TBL1X: variants seen among roughly 807,000 people sequenced by gnomAD.
TBL1X encodes the protein F-box-like/WD repeat-containing protein TBL1X.
Under a neutral mutation model 50.7 loss-of-function variants are expected in TBL1X, and 10 were observed. That is an observed-to-expected ratio of 0.20 (90% CI 0.12 to 0.33). The LOEUF is 0.33. Among genes scored for constraint, TBL1X ranks in the 10% least tolerant of loss-of-function variants. The pLI is 1.00. For missense variants in TBL1X, 340 were observed against 504.4 expected (o/e 0.67, Z 3.12); for synonymous variants, 190 against 214.7 (o/e 0.88, Z 1.01).
chrX:9,542,756 C>A (rs2082221340), intron 2 of TBL1X, among the ~76,000 whole-genome samples: 1 of 112,086 alleles, frequency 8.9e-6, no homozygotes, highest in African/African-American at 3.2e-5. Context: ...CTGCACCAGA[C>A]TGTATTCTCC....
chrX:9,638,509 A>G (rs894217761), intron 2 of TBL1X, among the ~76,000 whole-genome samples: 6 of 111,978 alleles, frequency 5.4e-5, no homozygotes, highest in African/African-American at 1.9e-4. Context: ...CATAATTCCT[A>G]TTTTTGTGTT....
At chrX:9,506,765 T>C (rs929540061) in intron 2 of TBL1X, among the ~76,000 whole-genome samples, 8 of 111,672 alleles carry the variant, frequency 7.2e-5, no homozygotes, top group African/African-American at 2.3e-4. Flanking sequence ...AATAGACCAA[T>C]AAGCTCTGAA....
At chrX:9,597,609 CAG>C (rs2082532815) in intron 2 of TBL1X, among the ~76,000 whole-genome samples, 1 of 112,307 alleles carries the variant, frequency 8.9e-6, no homozygotes, top group South Asian at 3.7e-4. Flanking sequence ...CAGGCGCTGA[CAG>C]AGTGCTTTTG....
intron 1 of TBL1X, among the ~76,000 whole-genome samples, chrX:9,471,485 G>A (rs942497613): frequency 8.0e-5 from 9 of 112,320 alleles, no homozygotes; most frequent in African/African-American, 2.9e-4. Flanking sequence ...TAAGGATGAC[G>A]GTTTTATGTT....
intron 2 of TBL1X, among the ~76,000 whole-genome samples, chrX:9,609,281 A>G (rs940621195): frequency 3.6e-5 from 4 of 111,168 alleles, no homozygotes; most frequent in Non-Finnish European, 7.5e-5. Flanking sequence ...AAAAACATCT[A>G]TAAACCCACC....
In TBL1X at chrX:9,688,154, G is replaced by A. The variant is rs201825420; in HGVS notation, c.495G>A (p.Ala165=). ...AQQQASAAAA[A]AAATAAATAA... ...AGCAAGCCAGTGCGGCGGCGGCGGC[G>A]GCTGCGGCCACGGCAGCAGCGACAG... Residue 165 remains alanine, a synonymous_variant, in exon 7 of 18, where the codon GCG becomes GCA. Transcript: ENST00000645353. 1.0e-3 allele frequency: 1,227 copies of A among 1,195,630 alleles called. 10 individuals carry two copies. In the African/African-American group the frequency reaches 0.019, roughly 18 times the overall value.
At chrX:9,514,929 C>A (rs1411026160) in intron 2 of TBL1X, among the ~76,000 whole-genome samples, 1 of 111,916 alleles carries the variant, frequency 8.9e-6, no homozygotes, top group Non-Finnish European at 1.9e-5. Context: ...AACAACCTGG[C>A]GAGGAGCTCC....
At chrX:9,551,022 T>C (rs975899370) in intron 2 of TBL1X, among the ~76,000 whole-genome samples, 7 of 111,313 alleles carry the variant, frequency 6.3e-5, no homozygotes, top group Non-Finnish European at 1.3e-4. Flanking sequence ...GTGGAGGAAC[T>C]GCCTCGGGGG....
chrX:9,611,758 A>AGT (rs1287592948), intron 2 of TBL1X, among the ~76,000 whole-genome samples: 1 of 112,316 alleles, frequency 8.9e-6, no homozygotes, highest in Non-Finnish European at 1.9e-5. Context: ...AAAGCCCATC[A>AGT]GTGGCACCAT....
intron 2 of TBL1X, among the ~76,000 whole-genome samples, chrX:9,596,549 C>T (rs1017836632): frequency 2.7e-5 from 3 of 110,985 alleles, no homozygotes; most frequent in African/African-American, 9.8e-5. Context: ...CAGCGGTCAC[C>T]GATAGCCCAC....
chrX:9,539,368 C>T (rs1346664229), intron 2 of TBL1X, among the ~76,000 whole-genome samples: 1 of 111,254 alleles, frequency 9.0e-6, no homozygotes, highest in Non-Finnish European at 1.9e-5. Context: ...ATGAAGTTGA[C>T]CGTATGTACT....
chrX:9,691,562 T>C lies in TBL1X; in HGVS notation c.617-17T>C, dbSNP rs1286454721. 8.3e-7 allele frequency: 1 copy of C among 1,208,643 alleles called. No homozygotes were observed. Among genetic ancestry groups the C allele is most frequent in the Admixed American group, 2.2e-5 (1 of 45,792 alleles). ...TGTATTGGTAAGCCACTTGTCTCTT[T>C]GTGTTTGCTGTGACAGATAATCACG... is the stretch of plus-strand genomic sequence containing the variant. On this transcript the variant is annotated splice_polypyrimidine_tract_variant and intron_variant, in intron 7 of 17. Transcript: ENST00000645353.
chrX:9,465,740 G>A (rs1601695403), intron 1 of TBL1X, among the ~76,000 whole-genome samples: 1 of 112,980 alleles, frequency 8.9e-6, no homozygotes, highest in Non-Finnish European at 1.9e-5. Context: ...TTTTGGGGAG[G>A]GGGAAGTGGC....
intron 5 of TBL1X, among the ~76,000 whole-genome samples, chrX:9,667,541 G>A (rs2082937911): frequency 8.9e-6 from 1 of 112,197 alleles, no homozygotes; most frequent in African/African-American, 3.2e-5. Flanking sequence ...AACGAATTAA[G>A]ATTATATAGA....
At position 9,609,078 on chromosome X, in the gene TBL1X, A is replaced by G. The variant is rs375945515; in HGVS notation, c.-130-31195A>G. ...GAACTTCCTCAACACATCACACTGC[A>G]TAAGGAAAACCGTCTTAAACGTTCT... On this transcript the variant is annotated intron_variant, in intron 2 of 17. Coordinates refer to ENST00000645353, the MANE Select transcript of TBL1X (RefSeq NM_005647.4). 5.3e-5 allele frequency among the ~76,000 whole-genome samples: 6 copies of G among 112,156 alleles called. No individual in the cohort carries two copies. The East Asian group carries it at 8.3e-4, about 16-fold the overall frequency.
Position 9,697,438 on chromosome X carries a change from T to TTTG in TBL1X, c.1114+27_1114+29dup, listed in dbSNP as rs747238686. The stretch of plus-strand genomic sequence containing the variant: ...GTTTCCTTTTCATTCAGGTGAGTTT[T>TTTG]TTGTTGTTGTTGTTGTTGTTTGTTT... On this transcript the variant is annotated intron_variant, in intron 12 of 17. Transcript: ENST00000645353. 1.0e-4 allele frequency: 126 copies of TTTG among 1,206,601 alleles called. No individual in the cohort carries two copies. The highest frequency in any genetic ancestry group is 6.3e-4 in the Middle Eastern group (2 of 3,194).
intron 2 of TBL1X, among the ~76,000 whole-genome samples, chrX:9,592,186 A>G (rs934036412): frequency 2.7e-5 from 3 of 111,297 alleles, no homozygotes; most frequent in African/African-American, 9.8e-5. Flanking sequence ...ACTGCTCTGA[A>G]TCCTCATCTT....
At chrX:9,704,955 CAGTG>C (rs2083198078) in intron 12 of TBL1X, 34 bp from the exon 13 acceptor site, 1 of 1,209,930 alleles carries the variant, frequency 8.3e-7, no homozygotes, top group Non-Finnish European at 1.1e-6. Flanking sequence ...AGCTGTGCAA[CAGTG>C]AGTAACTCCA....
intron 2 of TBL1X, among the ~76,000 whole-genome samples, chrX:9,612,556 C>T (rs73632609): frequency 0.035 from 3,936 of 111,885 alleles, 64 homozygotes; most frequent in Middle Eastern, 0.084. Context: ...TTTAACCCAA[C>T]GTATCCAAAA....
Sources: gnomAD v4.1 joint callset for allele counts (sites outside exome capture counted in the v4.1 genomes callset) on GRCh38, gnomAD v4.1.1 for gene constraint, MANE v1.5 for transcripts, NCBI Gene and HGNC (gene_info 2026-07-23, HGNC 2026-07-21) for gene names.